TUT7: variants seen among roughly 807,000 people sequenced by gnomAD.
TUT7 encodes the protein terminal uridylyltransferase 7.
Under a neutral mutation model 165.9 loss-of-function variants are expected in TUT7, and 33 were observed. The ratio of observed to expected loss-of-function variants is 0.20; its 90% CI spans 0.15 to 0.27. The LOEUF is 0.27. Ranked by LOEUF, TUT7 falls within the 10% of genes least tolerant of loss-of-function variation. The pLI is 1.00. For missense variants in TUT7, 1,338 were observed against 1,762.3 expected (o/e 0.76, Z 4.31); for synonymous variants, 552 against 608.1 (o/e 0.91, Z 1.36).
At chr9:86,331,070 T>G (rs1430995184) in intron 10 of TUT7, among the ~76,000 whole-genome samples, 5 of 152,050 alleles carry the variant, frequency 3.3e-5, no homozygotes, top group Non-Finnish European at 7.4e-5. Flanking sequence ...TATTATTTAG[T>G]TCAAAATATG....
intron 26 of TUT7, among the ~76,000 whole-genome samples, chr9:86,293,937 G>A (rs1197882213): frequency 6.6e-6 from 1 of 152,052 alleles, no homozygotes; most frequent in South Asian, 2.1e-4. Flanking sequence ...TAGAGATGGG[G>A]TTTCACCATG....
At position 86,354,387 on chromosome 9, in the gene TUT7, C is replaced by G. The variant is rs910572905; in HGVS notation, c.-148G>C. On this transcript the variant is annotated 5_prime_UTR_variant, in exon 1 of 27. Coordinates refer to ENST00000375963, the MANE Select transcript of TUT7 (RefSeq NM_024617.4). Reference sequence around the variant, plus strand: ...GGCGCCCAAGAGCACTCACCACCTTCGCCGCGGTCCCCAGCCTCTTCCTGT... The same window carrying G: ...GGCGCCCAAGAGCACTCACCACCTTGGCCGCGGTCCCCAGCCTCTTCCTGT... 2 of 152,982 alleles carry G rather than the reference C, an allele frequency of 1.3e-5. No individual in the cohort carries two copies. Among genetic ancestry groups the G allele is most frequent in the African/African-American group, 4.8e-5 (2 of 41,476 alleles). 9.5% of individuals were successfully genotyped at this position (152,982 alleles called of 1,614,324 possible).
At chr9:86,325,233 A>T (rs1829684624) in intron 12 of TUT7, 101 bp downstream of exon 12, 1 of 1,113,864 alleles carries the variant, frequency 9.0e-7, no homozygotes, top group African/African-American at 1.6e-5. Context: ...GGCCTACCTT[A>T]CTTGTAGGAG....
At chr9:86,328,982 T>C (rs1369235592) in intron 10 of TUT7, among the ~76,000 whole-genome samples, 1 of 152,198 alleles carries the variant, frequency 6.6e-6, no homozygotes, top group Non-Finnish European at 1.5e-5. Context: ...TAGTAACTGC[T>C]TAATAAATAC....
chr9:86,316,446 C>T (rs570447200), intron 17 of TUT7, among the ~76,000 whole-genome samples: 1 of 152,206 alleles, frequency 6.6e-6, no homozygotes, highest in East Asian at 1.9e-4. Flanking sequence ...AAAAAGAGAT[C>T]GCTTCAAGTG....
Position 86,345,734 on chromosome 9 carries a change from A to T in TUT7, c.754T>A (p.Leu252Ile). The T allele has an allele frequency of 6.2e-7, 1 of 1,613,704 alleles. No homozygotes were observed. Among genetic ancestry groups the T allele is most frequent in the South Asian group, 1.1e-5 (1 of 91,016 alleles). Residue 252 changes from leucine to isoleucine, a missense_variant, in exon 4 of 27, where the codon TTA (leucine) becomes ATA (isoleucine). By Grantham distance (5) the Leu-to-Ile change is conservative (BLOSUM62 2). Transcript: ENST00000375963. Reference protein sequence around the residue: ...AKYTCRLCDVLIESIAFAHKH... With the variant: ...AKYTCRLCDVIIESIAFAHKH... ...TGGGCAAATGCAATGGATTCAATTA[A>T]AACATCACAGAGTCTGCAGGTGTAC...
At chr9:86,319,729 G>C (rs139074679) in intron 14 of TUT7, 59 bp from the exon 15 acceptor site, 2 of 1,155,046 alleles carry the variant, frequency 1.7e-6, no homozygotes, top group East Asian at 5.1e-5. Flanking sequence ...CTTAGAAAAA[G>C]CTGAAAAAAA....
intron 10 of TUT7, among the ~76,000 whole-genome samples, chr9:86,330,234 AT>A (rs1206032872): frequency 6.6e-6 from 1 of 151,386 alleles, no homozygotes; most frequent in South Asian, 2.1e-4. Context: ...ATTTTTTTAT[AT>A]TTTTTTAGTA....
intron 13 of TUT7, 119 bp from the exon 14 acceptor site, chr9:86,322,594 A>G (rs182453748): frequency 8.0e-6 from 10 of 1,248,788 alleles, no homozygotes; most frequent in Non-Finnish European, 6.6e-6. Flanking sequence ...AAATGAAAAT[A>G]TAACATGCAT....
chr9:86,291,989 A>C (rs1446576193), intron 26 of TUT7, among the ~76,000 whole-genome samples: 1 of 152,234 alleles, frequency 6.6e-6, no homozygotes, highest in East Asian at 1.9e-4. Context: ...CACAGGGTGG[A>C]ATACTGTAAA....
intron 1 of TUT7, among the ~76,000 whole-genome samples, 166 bp downstream of exon 1, chr9:86,354,105 G>A (rs1832540626): frequency 6.6e-6 from 1 of 152,168 alleles, no homozygotes; most frequent in African/African-American, 2.4e-5. Context: ...GCCGGCCAGG[G>A]GGCCAGAGCC....
At position 86,306,801 on chromosome 9, in the gene TUT7, G is replaced by GCAAAAA. The variant is rs368290350; in HGVS notation, c.3839-1568_3839-1563dup. On this transcript the variant is annotated intron_variant, in intron 22 of 26. Transcript: ENST00000375963. ...GCGAGACAGTGAGACTCTGTCCCCCGCAAAAACAAAAACAAACGACTACTA... is the reference window on the plus strand; with the variant it reads ...GCGAGACAGTGAGACTCTGTCCCCCGCAAAAACAAAAACAAAAACAAACGACTACTA... Among the ~76,000 whole-genome samples the GCAAAAA allele has an allele frequency of 2.5e-3, 373 of 152,040 alleles. 2 individuals are homozygous for GCAAAAA. Among genetic ancestry groups the GCAAAAA allele is most frequent in the African/African-American group, 8.6e-3 (355 of 41,454 alleles).
chr9:86,292,172 T>A (rs946781826), intron 26 of TUT7, among the ~76,000 whole-genome samples: 5 of 152,304 alleles, frequency 3.3e-5, no homozygotes, highest in African/African-American at 9.6e-5. Context: ...GCCTCCTGAG[T>A]GGCTGAGACT....
intron 14 of TUT7, among the ~76,000 whole-genome samples, chr9:86,320,758 T>C (rs1829197272): frequency 6.6e-6 from 1 of 152,156 alleles, no homozygotes; most frequent in Non-Finnish European, 1.5e-5. Context: ...GACAGTACTT[T>C]GAAATTCATA....
At chr9:86,308,664 AT>A (rs1444661813) in intron 21 of TUT7, 58 bp from the exon 22 acceptor site, 1 of 1,365,508 alleles carries the variant, frequency 7.3e-7, no homozygotes, top group African/African-American at 1.5e-5. Flanking sequence ...TAATATCAAT[AT>A]TCATTTGTAT....
At chr9:86,303,319 A>G in intron 24 of TUT7, 118 bp from the exon 25 acceptor site, 1 of 531,444 alleles carries the variant, frequency 1.9e-6, no homozygotes, top group Non-Finnish European at 3.4e-6. Flanking sequence ...TACTTTTAAT[A>G]AATATTATTT....
intron 18 of TUT7, 22 bp from the exon 19 acceptor site, chr9:86,310,039 T>C: frequency 6.3e-7 from 1 of 1,586,376 alleles, no homozygotes. Flanking sequence ...AAAATAACAC[T>C]ATAAGACTAA....
chr9:86,350,118 T>G (rs1832141310), intron 2 of TUT7, among the ~76,000 whole-genome samples: 1 of 152,086 alleles, frequency 6.6e-6, no homozygotes, highest in African/African-American at 2.4e-5. Flanking sequence ...GATCATGAGG[T>G]CAGGGTATCG....
At chr9:86,316,925 T>C (rs1295694358) in intron 17 of TUT7, among the ~76,000 whole-genome samples, 3 of 151,740 alleles carry the variant, frequency 2.0e-5, no homozygotes, top group African/African-American at 7.3e-5. Context: ...AAAATACAAA[T>C]AAAAAATACA....
Sources: gnomAD v4.1 joint callset for allele counts (sites outside exome capture counted in the v4.1 genomes callset) on GRCh38, gnomAD v4.1.1 for gene constraint, MANE v1.5 for transcripts, NCBI Gene and HGNC (gene_info 2026-07-23, HGNC 2026-07-21) for gene names.